TBC1D32: variants seen among roughly 807,000 people sequenced by gnomAD.
TBC1D32 encodes the protein TBC1 domain family member 32, also known as protein broad-minded.
A neutral mutation model predicts 170.3 loss-of-function variants in TBC1D32; 151 were observed. The observed-to-expected ratio is 0.89, with a 90% CI of 0.78 to 1.01. TBC1D32 has a LOEUF of 1.01. Ranked by LOEUF, TBC1D32 falls within the 50% of genes least tolerant of loss-of-function variation. TBC1D32 has a pLI of 0.00. For missense variants in TBC1D32, 1,464 were observed against 1,457.1 expected (o/e 1.00, Z -0.08); for synonymous variants, 498 against 488.0 (o/e 1.02, Z -0.27).
At chr6:121,257,999 G>A (rs1170355760) in intron 15 of TBC1D32, among the ~76,000 whole-genome samples, 1 of 152,080 alleles carries the variant, frequency 6.6e-6, no homozygotes, top group Non-Finnish European at 1.5e-5. Context: ...TAAAGTAGTT[G>A]CTACCATTCC....
intron 24 of TBC1D32, among the ~76,000 whole-genome samples, chr6:121,154,654 A>T (rs1409471599): frequency 1.3e-5 from 2 of 152,228 alleles, no homozygotes; most frequent in Non-Finnish European, 2.9e-5. Context: ...CTTATGGCTA[A>T]GTTCCCAAAA....
chr6:121,121,304 A>C (rs1044703987), intron 26 of TBC1D32, among the ~76,000 whole-genome samples: 2 of 151,958 alleles, frequency 1.3e-5, no homozygotes, highest in African/African-American at 4.8e-5. Context: ...CAGGAGCAAA[A>C]ATTTAGTGAG....
intron 21 of TBC1D32, among the ~76,000 whole-genome samples, chr6:121,215,743 C>A (rs192707916): frequency 4.6e-5 from 7 of 151,610 alleles, no homozygotes; most frequent in African/African-American, 1.7e-4. Context: ...AAGAAGCATA[C>A]GAAAAAAGCA....
At chr6:121,297,951 G>A (rs1805912214) in intron 10 of TBC1D32, among the ~76,000 whole-genome samples, 1 of 151,908 alleles carries the variant, frequency 6.6e-6, no homozygotes, top group Admixed American at 6.6e-5. Context: ...TGCTAAACAG[G>A]CTGCTATGAG....
chr6:121,269,159 T>G (rs956390572), intron 15 of TBC1D32, among the ~76,000 whole-genome samples: 4 of 152,096 alleles, frequency 2.6e-5, no homozygotes, highest in Admixed American at 1.3e-4. Flanking sequence ...TGCAAAAACA[T>G]GCCAACTTGT....
At chr6:121,112,922 C>A in intron 28 of TBC1D32, 140 bp downstream of exon 28, 3 of 662,380 alleles carry the variant, frequency 4.5e-6, no homozygotes, top group East Asian at 3.0e-5. Context: ...GAATAAAATA[C>A]TGTAAGAATA....
At chr6:121,253,711 T>A (rs1029629507) in intron 17 of TBC1D32, among the ~76,000 whole-genome samples, 1 of 151,790 alleles carries the variant, frequency 6.6e-6, no homozygotes, top group African/African-American at 2.4e-5. Context: ...AGAGCGAGAT[T>A]CCGTCTCAAA....
intron 2 of TBC1D32, among the ~76,000 whole-genome samples, chr6:121,320,955 C>T (rs1030711164): frequency 6.6e-6 from 1 of 152,128 alleles, no homozygotes; most frequent in Admixed American, 6.5e-5. Flanking sequence ...CAATGGCATC[C>T]TGCCTAGGGC....
chr6:121,311,267 C>T (rs1261981801), intron 3 of TBC1D32, among the ~76,000 whole-genome samples: 1 of 152,098 alleles, frequency 6.6e-6, no homozygotes, highest in Non-Finnish European at 1.5e-5. Context: ...TATACTTTTC[C>T]TTAGCCTTTC....
At position 121,085,247 on chromosome 6, in the gene TBC1D32, GTA is replaced by G. The variant is rs1162745710; in HGVS notation, c.3655-4359_3655-4358del. Reference sequence around the variant, plus strand: ...CATATATATATACACATATACATACGTATATATATACACATATATACATATAT... The same window carrying G: ...CATATATATATACACATATACATACGTATATATACACATATATACATATAT... On this transcript the variant is annotated intron_variant, in intron 31 of 31. Transcript: ENST00000398212. Among the ~76,000 whole-genome samples the G allele has an allele frequency of 2.8e-5, 3 of 107,544 alleles. No homozygotes were observed. In the East Asian group the frequency reaches 6.8e-4, roughly 24 times the overall value. 70.6% of individuals were successfully genotyped at this position (107,544 alleles called of 152,430 possible).
intron 9 of TBC1D32, 23 bp downstream of exon 9, chr6:121,303,594 A>G: frequency 6.6e-7 from 1 of 1,515,356 alleles, no homozygotes; most frequent in Non-Finnish European, 8.9e-7. Context: ...TAAAAGGTAT[A>G]AAAATATTCT....
chr6:121,113,895 A>G (rs186405037), intron 27 of TBC1D32, among the ~76,000 whole-genome samples: 1 of 152,206 alleles, frequency 6.6e-6, no homozygotes, highest in East Asian at 1.9e-4. Context: ...TCTCTTTTTA[A>G]AGAGACTTGG....
chr6:121,260,255 G>A (rs1323421798), intron 15 of TBC1D32, among the ~76,000 whole-genome samples: 1 of 151,520 alleles, frequency 6.6e-6, no homozygotes, highest in Non-Finnish European at 1.5e-5. Flanking sequence ...ACCATGATGA[G>A]AAATACAGAA....
chr6:121,213,747 C>G (rs1233682138), intron 21 of TBC1D32, among the ~76,000 whole-genome samples: 1 of 151,800 alleles, frequency 6.6e-6, no homozygotes, highest in Non-Finnish European at 1.5e-5. Flanking sequence ...CAACGATATT[C>G]CTATCAAACT....
At chr6:121,100,618 C>T in intron 30 of TBC1D32, among the ~76,000 whole-genome samples, 1 of 151,994 alleles carries the variant, frequency 6.6e-6, no homozygotes, top group Non-Finnish European at 1.5e-5. Context: ...GCACTAAATG[C>T]CCACAAGAAA....
chr6:121,227,331 CT>C (rs897346751), intron 20 of TBC1D32, among the ~76,000 whole-genome samples: 1 of 152,042 alleles, frequency 6.6e-6, no homozygotes, highest in African/African-American at 2.4e-5. Flanking sequence ...AGTTTTACAT[CT>C]TTTTTTCCAA....
intron 30 of TBC1D32, among the ~76,000 whole-genome samples, chr6:121,092,481 C>A (rs2128177297): frequency 6.6e-6 from 1 of 151,722 alleles, no homozygotes; most frequent in Middle Eastern, 3.4e-3. Flanking sequence ...TTTTTATATC[C>A]TTGATTCAAC....
intron 17 of TBC1D32, among the ~76,000 whole-genome samples, chr6:121,254,617 T>TTTG (rs1563094929): frequency 5.3e-5 from 8 of 151,614 alleles, no homozygotes; most frequent in African/African-American, 1.5e-4. Context: ...GCAGAAGGCT[T>TTTG]TTTGATTGTT....
At chr6:121,247,349 T>C (rs1236074980) in intron 17 of TBC1D32, among the ~76,000 whole-genome samples, 13 of 151,632 alleles carry the variant, frequency 8.6e-5, no homozygotes, top group Admixed American at 8.5e-4. Context: ...TAAATCTTGA[T>C]ATACACCAAA....
Sources: gnomAD v4.1 joint callset for allele counts (sites outside exome capture counted in the v4.1 genomes callset) on GRCh38, gnomAD v4.1.1 for gene constraint, MANE v1.5 for transcripts, NCBI Gene and HGNC (gene_info 2026-07-23, HGNC 2026-07-21) for gene names.